PCNX1: variants seen among roughly 807,000 people sequenced by gnomAD.
PCNX1 encodes pecanex-like protein 1.
In PCNX1, 78 loss-of-function variants were observed where a neutral mutation model predicts 242.2. The observed-to-expected ratio is 0.32, with a 90% CI of 0.27 to 0.39. PCNX1 has a LOEUF of 0.39. Ranked by LOEUF, PCNX1 falls within the 10% of genes least tolerant of loss-of-function variation. The pLI is 1.00. For synonymous variants in PCNX1, 1,024 were observed against 1,032.9 expected (o/e 0.99, Z 0.17); for missense variants, 2,581 against 2,856.5 (o/e 0.90, Z 2.20).
chr14:70,974,635 T>G (rs535017552), intron 5 of PCNX1, among the ~76,000 whole-genome samples: 1 of 152,242 alleles, frequency 6.6e-6, no homozygotes, highest in Non-Finnish European at 1.5e-5. Flanking sequence ...CATATTTGAC[T>G]CTATCCTTTA....
intron 26 of PCNX1, among the ~76,000 whole-genome samples, chr14:71,073,288 ACT>A (rs1322850581): frequency 1.3e-5 from 2 of 152,152 alleles, no homozygotes; most frequent in South Asian, 2.1e-4. Flanking sequence ...ACAGAGGGAG[ACT>A]CTGTCTCAAA....
Position 70,978,347 on chromosome 14 carries a change from C to T in PCNX1, c.2010C>T (p.Ser670=). The T allele has an allele frequency of 6.2e-7, 1 of 1,614,124 alleles. No individual in the cohort carries two copies. Among genetic ancestry groups the T allele is most frequent in the Non-Finnish European group, 8.5e-7 (1 of 1,179,994 alleles). ...CTCATTTGGTTCCTGAAGGAACCAG[C>T]AAAAAGCGTGCAACACGACGGACTT... The part of the protein sequence containing the change: ...HKAHLVPEGT[S]KKRATRRTSS... The change falls in exon 6 of 36, where the codon AGC becomes AGT. Residue 670 remains serine, a synonymous_variant. Coordinates refer to ENST00000304743, the MANE Select transcript of PCNX1 (RefSeq NM_014982.3).
intron 1 of PCNX1, among the ~76,000 whole-genome samples, chr14:70,917,283 A>G (rs2056187656): frequency 6.6e-6 from 1 of 152,216 alleles, no homozygotes; most frequent in Admixed American, 6.5e-5. Flanking sequence ...GGCATCTAGA[A>G]TGGTGAGACC....
intron 26 of PCNX1, among the ~76,000 whole-genome samples, chr14:71,062,557 T>C (rs1219884682): frequency 6.6e-6 from 1 of 152,016 alleles, no homozygotes; most frequent in African/African-American, 2.4e-5. Flanking sequence ...AATATTTTTA[T>C]GCAGCTATAC....
At chr14:71,043,513 CCCTT>C (rs908363125) in intron 19 of PCNX1, among the ~76,000 whole-genome samples, 3 of 146,360 alleles carry the variant, frequency 2.0e-5, no homozygotes, top group South Asian at 2.3e-4. Flanking sequence ...CTCCCTCCCT[CCCTT>C]CCTTCCTTCC....
chr14:70,960,086 T>C (rs1266932680), intron 2 of PCNX1, among the ~76,000 whole-genome samples: 9 of 100,984 alleles, frequency 8.9e-5, no homozygotes, highest in Non-Finnish European at 1.8e-4. Flanking sequence ...TGTTTGTTTT[T>C]TTCTTGTAAA....
intron 1 of PCNX1, among the ~76,000 whole-genome samples, chr14:70,925,981 C>T (rs1010759509): frequency 6.6e-6 from 1 of 152,114 alleles, no homozygotes; most frequent in Non-Finnish European, 1.5e-5. Flanking sequence ...TTGACATGAA[C>T]TGAGCATCTC....
chr14:71,105,503 A>G, intron 33 of PCNX1, 63 bp downstream of exon 33: 1 of 1,272,008 alleles, frequency 7.9e-7, no homozygotes, highest in Non-Finnish European at 1.1e-6. Flanking sequence ...TGGTTAGTAT[A>G]TGTGTATAAA....
At chr14:70,976,256 C>G (rs2140102648) in intron 5 of PCNX1, among the ~76,000 whole-genome samples, 2 of 152,148 alleles carry the variant, frequency 1.3e-5, no homozygotes, top group Middle Eastern at 3.4e-3. Flanking sequence ...GATGAGGAAA[C>G]AGATTTACAG....
intron 1 of PCNX1, among the ~76,000 whole-genome samples, chr14:70,934,967 A>G (rs987022653): frequency 4.1e-5 from 6 of 145,290 alleles, no homozygotes; most frequent in African/African-American, 7.7e-5. Flanking sequence ...AGAGTAGAGA[A>G]TAAGTTTAAA....
At chr14:70,931,467 G>T (rs1427428988) in intron 1 of PCNX1, among the ~76,000 whole-genome samples, 4 of 139,076 alleles carry the variant, frequency 2.9e-5, no homozygotes, top group Non-Finnish European at 4.8e-5. Flanking sequence ...TCCTGAAAGA[G>T]TGTTAAGAAA....
At chr14:70,990,870 T>C (rs1566667901) in intron 7 of PCNX1, among the ~76,000 whole-genome samples, 1 of 152,156 alleles carries the variant, frequency 6.6e-6, no homozygotes. Context: ...TATTTTACTT[T>C]TTCTATTTTG....
rs150625159 is a variant in PCNX1, at chr14:71,040,408, T to G, written c.3867+4251T>G. 5.5e-4 allele frequency among the ~76,000 whole-genome samples: 84 copies of G among 152,336 alleles called. 2 individuals carry two copies. The East Asian group carries it at 0.015, about 27-fold the overall frequency. ...TCTTTTTATCACTAGGTTTTAGAAA[T>G]TTGATTATGATGTACCTTCACATAG... On this transcript the variant is annotated intron_variant, in intron 19 of 35. Transcript: ENST00000304743.
Position 70,958,924 on chromosome 14 carries a change from T to TTTTA in PCNX1, c.363-3302_363-3301insTTTA, listed in dbSNP as rs1555348614. Among the ~76,000 whole-genome samples, 79 of 141,134 alleles carry TTTTA rather than the reference T, an allele frequency of 5.6e-4. 4 individuals are homozygous for TTTTA. Among genetic ancestry groups the TTTTA allele is most frequent in the Non-Finnish European group, 1.0e-3 (66 of 65,424 alleles). The allele number at this position is 141,134 out of a possible 152,430, so 92.6% of individuals were successfully genotyped here. On this transcript the variant is annotated intron_variant, in intron 2 of 35. Coordinates refer to ENST00000304743, the MANE Select transcript of PCNX1 (RefSeq NM_014982.3). Reference sequence around the variant, plus strand: ...TTTTTTTTTTTTTTTTTTTTTTTTTTACATAATCAGGAGGTTGAATTGGAT... The same window carrying TTTTA: ...TTTTTTTTTTTTTTTTTTTTTTTTTTTTTAACATAATCAGGAGGTTGAATTGGAT...
At chr14:70,945,502 C>T (rs2057420969) in intron 1 of PCNX1, among the ~76,000 whole-genome samples, 1 of 151,766 alleles carries the variant, frequency 6.6e-6, no homozygotes, top group African/African-American at 2.4e-5. Context: ...ACACTCAACA[C>T]AAAATTATTA....
chr14:70,949,326 TATACACGCACGTGC>T (rs1293180246), intron 2 of PCNX1, among the ~76,000 whole-genome samples: 294 of 148,632 alleles, frequency 2.0e-3, no homozygotes, highest in African/African-American at 5.7e-3. Flanking sequence ...TACACACGTG[TATACACGCACGTGC>T]ATACACGCAC....
chr14:71,092,892 C>G (rs116581440), intron 30 of PCNX1: 112 of 152,296 alleles, frequency 7.4e-4, no homozygotes, highest in African/African-American at 2.7e-3. Context: ...AATGCTTTGT[C>G]CCTGAAGTCA....
At chr14:71,014,928 G>C (rs1263785848) in intron 11 of PCNX1, among the ~76,000 whole-genome samples, 1 of 152,030 alleles carries the variant, frequency 6.6e-6, no homozygotes, top group Non-Finnish European at 1.5e-5. Flanking sequence ...GGACACAACT[G>C]CTCAAAACCA....
intron 1 of PCNX1, among the ~76,000 whole-genome samples, chr14:70,943,651 G>A (rs545184281): frequency 5.9e-5 from 9 of 152,348 alleles, no homozygotes; most frequent in African/African-American, 2.2e-4. Flanking sequence ...GCATAAATTT[G>A]CATAAGTAAC....
Sources: allele counts gnomAD v4.1 joint callset (sites outside exome capture counted in the v4.1 genomes callset), GRCh38; gene constraint gnomAD v4.1.1; transcripts MANE v1.5; gene names NCBI Gene and HGNC (gene_info 2026-07-23, HGNC 2026-07-21).